The following SGCZ variants were observed in gnomAD, a reference collection of about 807,000 sequenced individuals.
The protein encoded by SGCZ is sarcoglycan zeta.
In SGCZ, 40 loss-of-function variants were observed where a neutral mutation model predicts 41.3. The observed-to-expected ratio is 0.97, with a 90% confidence interval of 0.75 to 1.26. The LOEUF (loss-of-function observed/expected upper bound fraction) is 1.26. Ranked by LOEUF, SGCZ falls within the 50% of genes most tolerant of loss-of-function variation. The pLI, the probability that SGCZ is intolerant of heterozygous loss-of-function variation, is 0.00. For missense variants in SGCZ, 552 were observed against 369.8 expected, an observed-to-expected ratio of 1.49 and a Z score of -4.04; for synonymous variants, 206 against 137.5, an observed-to-expected ratio of 1.50 and a Z score of -3.49.
At chr8:15,172,942 T>G (rs1323540282) in intron 1 of SGCZ, among the ~76,000 whole-genome samples, 1 of 152,176 alleles carries the variant, frequency 6.6e-6, no homozygotes, top group Non-Finnish European at 1.5e-5. Flanking sequence ...ACTAGTTAAA[T>G]CCAAAGAAGT....
intron 1 of SGCZ, among the ~76,000 whole-genome samples, chr8:15,119,804 A>G (rs1474333190): frequency 1.3e-5 from 2 of 151,948 alleles, no homozygotes; most frequent in South Asian, 4.2e-4. Flanking sequence ...ACACTTCTCA[A>G]TTCCACTTTT....
At chr8:14,190,010 C>CTTTT (rs1397799185) in intron 4 of SGCZ, among the ~76,000 whole-genome samples, 2,933 of 67,872 alleles carry the variant, frequency 0.043, 49 homozygotes, top group South Asian at 0.066. Flanking sequence ...TTCTTTCTTT[C>CTTTT]TTTCTTTTTT....
At chr8:14,376,184 G>T (rs531504816) in intron 2 of SGCZ, among the ~76,000 whole-genome samples, 17 of 149,520 alleles carry the variant, frequency 1.1e-4, no homozygotes, top group African/African-American at 3.6e-4. Context: ...GGTGGCGGCC[G>T]CCTGTAGACC....
chr8:14,495,736 A>G (rs750856543), intron 2 of SGCZ, among the ~76,000 whole-genome samples: 57 of 152,320 alleles, frequency 3.7e-4, no homozygotes, highest in Middle Eastern at 3.4e-3. Context: ...GAAAGTTACC[A>G]AAGGTAATTG....
chr8:14,231,517 A>G (rs1355174201), intron 4 of SGCZ, among the ~76,000 whole-genome samples: 1 of 152,062 alleles, frequency 6.6e-6, no homozygotes, highest in Non-Finnish European at 1.5e-5. Flanking sequence ...AAGTGTATTT[A>G]AAAGACACAC....
intron 1 of SGCZ, among the ~76,000 whole-genome samples, chr8:14,839,539 T>C (rs1169561863): frequency 1.3e-5 from 2 of 152,190 alleles, no homozygotes; most frequent in Non-Finnish European, 2.9e-5. Flanking sequence ...TAACATTTGT[T>C]TTACAATAAG....
At chr8:14,352,585 A>C (rs1391832951) in intron 2 of SGCZ, among the ~76,000 whole-genome samples, 1 of 152,096 alleles carries the variant, frequency 6.6e-6, no homozygotes, top group Non-Finnish European at 1.5e-5. Context: ...TCTGGCACAA[A>C]CAACCAGGAA....
intron 1 of SGCZ, among the ~76,000 whole-genome samples, chr8:14,908,731 C>T (rs779786027): frequency 2.6e-5 from 3 of 114,910 alleles, no homozygotes; most frequent in African/African-American, 7.1e-5. Flanking sequence ...GCCTGGTGAT[C>T]TGTCACCGTT....
intron 1 of SGCZ, among the ~76,000 whole-genome samples, chr8:14,669,385 G>GTAAGTAAGTAAGTAAATAAATAAATAAA (rs1465447907): frequency 5.4e-5 from 3 of 55,128 alleles, no homozygotes; most frequent in African/African-American, 4.8e-4. Flanking sequence ...AAGTAAGTAA[G>GTAAGTAAGTAAGTAAATAAATAAATAAA]TAAATAAATA....
intron 2 of SGCZ, among the ~76,000 whole-genome samples, chr8:14,531,718 T>A (rs1488090927): frequency 6.6e-6 from 1 of 152,116 alleles, no homozygotes; most frequent in African/African-American, 2.4e-5. Context: ...ACCTAAATGC[T>A]GTCTCCTTCC....
chr8:14,549,642 G>A (rs1028568551), intron 2 of SGCZ, among the ~76,000 whole-genome samples: 4 of 151,992 alleles, frequency 2.6e-5, no homozygotes, highest in African/African-American at 9.7e-5. Flanking sequence ...GGAAATGCGG[G>A]GACGTTGATA....
intron 1 of SGCZ, among the ~76,000 whole-genome samples, chr8:15,036,079 C>G (rs1052626016): frequency 2.0e-5 from 3 of 151,750 alleles, no homozygotes; most frequent in Non-Finnish European, 1.5e-5. Flanking sequence ...CAAAAATCCA[C>G]AGACCTTTAA....
chr8:15,032,628 A>G (rs1364121518), intron 1 of SGCZ, among the ~76,000 whole-genome samples: 1 of 152,112 alleles, frequency 6.6e-6, no homozygotes, highest in Middle Eastern at 3.2e-3. Flanking sequence ...CAGAAACTCC[A>G]GGCTCTATGC....
At chr8:14,454,100 G>A (rs1292045313) in intron 2 of SGCZ, among the ~76,000 whole-genome samples, 1 of 152,120 alleles carries the variant, frequency 6.6e-6, no homozygotes, top group Non-Finnish European at 1.5e-5. Flanking sequence ...AGAATTTGGG[G>A]AATGGCCATT....
At chr8:14,642,195 T>A (rs554228064) in intron 1 of SGCZ, among the ~76,000 whole-genome samples, 1 of 151,708 alleles carries the variant, frequency 6.6e-6, no homozygotes, top group South Asian at 2.1e-4. Flanking sequence ...TTGTCCTCTT[T>A]TAGGATGGGA....
chr8:15,057,517 T>C (rs2131004397), intron 1 of SGCZ, among the ~76,000 whole-genome samples: 1 of 152,304 alleles, frequency 6.6e-6, no homozygotes, highest in Non-Finnish European at 1.5e-5. Context: ...TATCAATATA[T>C]ATTATTACAT....
intron 1 of SGCZ, among the ~76,000 whole-genome samples, chr8:14,715,575 A>G (rs1478830448): frequency 3.3e-5 from 5 of 149,784 alleles, no homozygotes; most frequent in Non-Finnish European, 5.9e-5. Context: ...TGCACACATA[A>G]AAACAGGATT....
At chr8:15,154,798 A>C (rs1799282615) in intron 1 of SGCZ, among the ~76,000 whole-genome samples, 1 of 152,234 alleles carries the variant, frequency 6.6e-6, no homozygotes, top group Non-Finnish European at 1.5e-5. Context: ...CATTGTTTAT[A>C]TCCTGCCAGA....
intron 1 of SGCZ, among the ~76,000 whole-genome samples, chr8:14,603,724 T>C (rs1451150026): frequency 6.6e-6 from 1 of 152,208 alleles, no homozygotes; most frequent in Non-Finnish European, 1.5e-5. Flanking sequence ...TTGTTAATTT[T>C]TCACAGGCTT....
Sources: allele counts gnomAD v4.1 joint callset (sites outside exome capture counted in the v4.1 genomes callset), GRCh38; gene constraint gnomAD v4.1.1; transcripts MANE v1.5; gene names NCBI Gene and HGNC (gene_info 2026-07-23, HGNC 2026-07-21).